The following AP3S1 variants were observed in gnomAD, a reference collection of about 807,000 sequenced individuals.
The protein encoded by AP3S1 is AP-3 complex subunit sigma-1.
Under a neutral mutation model 21.3 loss-of-function variants are expected in AP3S1, and 12 were observed. The observed-to-expected ratio is 0.56, with a 90% CI of 0.36 to 0.91. AP3S1 has a LOEUF of 0.91. Ranked by LOEUF, AP3S1 falls within the 40% of genes least tolerant of loss-of-function variation. The pLI, the probability that AP3S1 is intolerant of heterozygous loss-of-function variation, is 0.01. For synonymous variants in AP3S1, 48 were observed against 78.4 expected, an observed-to-expected ratio of 0.61 and a Z score of 2.05; for missense variants, 116 against 225.0, an observed-to-expected ratio of 0.52 and a Z score of 3.10.
chr5:115,907,953 G>A (rs1751791363), intron 5 of AP3S1, among the ~76,000 whole-genome samples: 1 of 152,106 alleles, frequency 6.6e-6, no homozygotes, highest in African/African-American at 2.4e-5. Flanking sequence ...AGGAAAAAAT[G>A]TATAAACTTA....
intron 5 of AP3S1, among the ~76,000 whole-genome samples, chr5:115,911,641 G>C (rs1752119817): frequency 6.6e-6 from 1 of 151,992 alleles, no homozygotes. Context: ...AAACCTCTTT[G>C]AATTGGATTC....
At chr5:115,844,016 C>T (rs1266999328) in intron 1 of AP3S1, among the ~76,000 whole-genome samples, 1 of 152,154 alleles carries the variant, frequency 6.6e-6, no homozygotes, top group Admixed American at 6.5e-5. Context: ...ATCTGGTGGT[C>T]ACTGGCCGTT....
intron 1 of AP3S1, among the ~76,000 whole-genome samples, chr5:115,864,732 G>T (rs1763480576): frequency 6.6e-6 from 1 of 152,214 alleles, no homozygotes; most frequent in Non-Finnish European, 1.5e-5. Context: ...AGGGTTTCAA[G>T]ATAAGGGTTT....
chr5:115,883,933 C>T (rs1409866915), intron 3 of AP3S1, among the ~76,000 whole-genome samples: 1 of 152,078 alleles, frequency 6.6e-6, no homozygotes, highest in Non-Finnish European at 1.5e-5. Flanking sequence ...AATTCATAAA[C>T]CCGGTTCTTT....
At chr5:115,866,842 A>T in intron 2 of AP3S1, 81 bp downstream of exon 2, 1 of 840,680 alleles carries the variant, frequency 1.2e-6, no homozygotes, top group Non-Finnish European at 1.7e-6. Flanking sequence ...TTATGGTAAA[A>T]GTTTTCTACT....
chr5:115,897,322 C>T (rs1750835130), intron 4 of AP3S1, among the ~76,000 whole-genome samples: 1 of 152,062 alleles, frequency 6.6e-6, no homozygotes, highest in Non-Finnish European at 1.5e-5. Context: ...TCTCTCTTTT[C>T]TCTGGGCTAA....
chr5:115,862,231 C>A (rs1025147611), intron 1 of AP3S1, among the ~76,000 whole-genome samples: 1 of 152,138 alleles, frequency 6.6e-6, no homozygotes, highest in Middle Eastern at 3.4e-3. Context: ...GGTCTACTTA[C>A]ACACAGCTTT....
chr5:115,850,746 G>A (rs562059776), intron 1 of AP3S1, among the ~76,000 whole-genome samples: 30 of 152,168 alleles, frequency 2.0e-4, no homozygotes, highest in African/African-American at 7.2e-4. Flanking sequence ...ACATACCATC[G>A]ACCTAAAAGG....
chr5:115,873,574 C>G (rs1748459131), intron 3 of AP3S1, among the ~76,000 whole-genome samples: 1 of 152,136 alleles, frequency 6.6e-6, no homozygotes, highest in South Asian at 2.1e-4. Flanking sequence ...CTTTCCCCTT[C>G]AATTACCACA....
intron 5 of AP3S1, among the ~76,000 whole-genome samples, chr5:115,904,357 C>T (rs1440404075): frequency 6.6e-6 from 1 of 152,170 alleles, no homozygotes; most frequent in Admixed American, 6.5e-5. Context: ...TAACTCAATT[C>T]AATTCTGTGT....
At chr5:115,879,386 T>G (rs1197297411) in intron 3 of AP3S1, among the ~76,000 whole-genome samples, 2 of 152,246 alleles carry the variant, frequency 1.3e-5, no homozygotes, top group African/African-American at 4.8e-5. Context: ...ATACGTAGTT[T>G]ACTGAGAGTT....
intron 4 of AP3S1, 101 bp downstream of exon 4, chr5:115,895,259 T>C: frequency 3.8e-6 from 3 of 782,266 alleles, no homozygotes; most frequent in Non-Finnish European, 3.9e-6. Context: ...TTTTATTCTT[T>C]TATTATTCAA....
rs538966507 is a variant in AP3S1, at chr5:115,885,398, C to T, written c.274-9689C>T. ...TCTGTGGTCAAAGGCCAGAGAGTTC[C>T]CTGGCAAACCACTGGTGTAAATCCA... is the stretch of plus-strand genomic sequence containing the variant. On this transcript the variant is annotated intron_variant, in intron 3 of 5. Coordinates refer to ENST00000316788, the MANE Select transcript of AP3S1 (RefSeq NM_001284.4). Among the ~76,000 whole-genome samples, 7 of 152,234 alleles carry T rather than the reference C, an allele frequency of 4.6e-5. No individual in the cohort carries two copies. In the East Asian group the frequency reaches 1.4e-3, roughly 29 times the overall value.
chr5:115,880,772 G>A (rs932143289), intron 3 of AP3S1, among the ~76,000 whole-genome samples: 3 of 152,062 alleles, frequency 2.0e-5, no homozygotes, highest in Non-Finnish European at 4.4e-5. Flanking sequence ...TTTCTGTCTT[G>A]TGGATCTGTC....
At chr5:115,888,221 C>T (rs536970151) in intron 3 of AP3S1, among the ~76,000 whole-genome samples, 1 of 152,118 alleles carries the variant, frequency 6.6e-6, no homozygotes, top group East Asian at 1.9e-4. Context: ...CAAGAGGGTG[C>T]TGTTTACTAT....
intron 4 of AP3S1, among the ~76,000 whole-genome samples, chr5:115,901,682 G>A (rs1751227653): frequency 1.3e-5 from 2 of 151,822 alleles, no homozygotes; most frequent in African/African-American, 4.8e-5. Flanking sequence ...AGCCTCCCGA[G>A]TAGCTGGAAG....
At chr5:115,905,632 A>C (rs2112579963) in intron 5 of AP3S1, among the ~76,000 whole-genome samples, 1 of 152,214 alleles carries the variant, frequency 6.6e-6, no homozygotes, top group Middle Eastern at 3.4e-3. Context: ...ATGATGACTA[A>C]TTTTTCGTAG....
chr5:115,906,922 C>A, intron 5 of AP3S1: 1 of 1,446,584 alleles, frequency 6.9e-7, no homozygotes. Flanking sequence ...ATGTCAAAGG[C>A]AATTAATTAT....
intron 1 of AP3S1, 90 bp from the exon 2 acceptor site, chr5:115,866,580 C>A: frequency 1.2e-6 from 1 of 817,892 alleles, no homozygotes; most frequent in Non-Finnish European, 1.8e-6. Flanking sequence ...ATTTCCCAGA[C>A]AGATATTGCT....
Sources: allele counts gnomAD v4.1 joint callset (sites outside exome capture counted in the v4.1 genomes callset), GRCh38; gene constraint gnomAD v4.1.1; transcripts MANE v1.5; gene names NCBI Gene and HGNC (gene_info 2026-07-23, HGNC 2026-07-21).